MACROH2A1: variants seen among roughly 807,000 people sequenced by gnomAD.
MACROH2A1 encodes macroH2A.1 histone, also known as core histone macro-H2A.1.
Under a neutral mutation model 31.6 loss-of-function variants are expected in MACROH2A1, and 2 were observed. The observed-to-expected ratio is 0.06, with a 90% CI of 0.03 to 0.20. The LOEUF is 0.20. MACROH2A1 is among the 10% of genes least tolerant of loss of function. The pLI, the probability that MACROH2A1 is intolerant of heterozygous loss-of-function variation, is 1.00. For synonymous variants in MACROH2A1, 169 were observed against 189.6 expected, an observed-to-expected ratio of 0.89 and a Z score of 0.89; for missense variants, 230 against 474.0, an observed-to-expected ratio of 0.49 and a Z score of 4.78.
chr5:135,352,725 C>T (rs1761728731), intron 6 of MACROH2A1, among the ~76,000 whole-genome samples: 1 of 152,166 alleles, frequency 6.6e-6, no homozygotes, highest in African/African-American at 2.4e-5. Context: ...AATGTATTTG[C>T]AATTGAGGAG....
At chr5:135,395,390 G>A (rs1259528949) in intron 1 of MACROH2A1, among the ~76,000 whole-genome samples, 2 of 152,188 alleles carry the variant, frequency 1.3e-5, no homozygotes, top group Non-Finnish European at 2.9e-5. Context: ...TAGTCAAAGA[G>A]CCCTATCTCC....
intron 4 of MACROH2A1, among the ~76,000 whole-genome samples, chr5:135,367,169 C>T (rs1242453948): frequency 6.6e-6 from 1 of 152,212 alleles, no homozygotes; most frequent in Non-Finnish European, 1.5e-5. Context: ...CAGAACATTC[C>T]ACTTAAACCT....
intron 5 of MACROH2A1, 192 bp from the exon 6 acceptor site, chr5:135,353,237 CA>C: frequency 1.8e-6 from 1 of 556,730 alleles, no homozygotes; most frequent in South Asian, 2.3e-5. Flanking sequence ...CGGGAGCAAG[CA>C]AACTAGGATG....
At chr5:135,373,215 AG>A (rs1764409280) in intron 2 of MACROH2A1, among the ~76,000 whole-genome samples, 1 of 151,718 alleles carries the variant, frequency 6.6e-6, no homozygotes, top group African/African-American at 2.4e-5. Flanking sequence ...GTCGGGGAGG[AG>A]GGGAGGGATG....
chr5:135,394,939 G>A (rs1222492854), intron 1 of MACROH2A1, among the ~76,000 whole-genome samples: 1 of 152,212 alleles, frequency 6.6e-6, no homozygotes, highest in Non-Finnish European at 1.5e-5. Context: ...GGGAGCTATG[G>A]CTAGTGGGAC....
At chr5:135,371,525 C>G (rs1341271025) in intron 2 of MACROH2A1, among the ~76,000 whole-genome samples, 1 of 152,234 alleles carries the variant, frequency 6.6e-6, no homozygotes, top group Admixed American at 6.5e-5. Flanking sequence ...GGCACAGTCT[C>G]ACAAGACAAG....
chr5:135,381,611 T>C (rs1366788819), intron 2 of MACROH2A1, among the ~76,000 whole-genome samples: 2 of 151,940 alleles, frequency 1.3e-5, no homozygotes, highest in Non-Finnish European at 2.9e-5. Context: ...TGAGATCCTA[T>C]TTCAAAAAAA....
chr5:135,365,144 T>G (rs1763336874), intron 4 of MACROH2A1, among the ~76,000 whole-genome samples: 1 of 152,230 alleles, frequency 6.6e-6, no homozygotes. Context: ...AAATTAGGCA[T>G]AGTTTCCTTT....
chr5:135,363,746 C>T (rs1411180247), intron 4 of MACROH2A1, among the ~76,000 whole-genome samples: 1 of 152,184 alleles, frequency 6.6e-6, no homozygotes, highest in African/African-American at 2.4e-5. Flanking sequence ...CTTGAGGAAT[C>T]GCCACACTGT....
chr5:135,355,329 G>A (rs1762050824), intron 5 of MACROH2A1: 1 of 450,518 alleles, frequency 2.2e-6, no homozygotes, highest in African/African-American at 2.0e-5. Flanking sequence ...ACTCTTGGAA[G>A]TGCAGACTAC....
chr5:135,352,058 G>C (rs1761652980), intron 6 of MACROH2A1, among the ~76,000 whole-genome samples: 1 of 152,170 alleles, frequency 6.6e-6, no homozygotes, highest in South Asian at 2.1e-4. Context: ...TGGAATGAGT[G>C]TATCTCCCAG....
At chr5:135,384,267 T>C (rs1463646633) in intron 2 of MACROH2A1, among the ~76,000 whole-genome samples, 1 of 152,190 alleles carries the variant, frequency 6.6e-6, no homozygotes, top group Non-Finnish European at 1.5e-5. Context: ...GCCCTATGAC[T>C]ACCACCAAAG....
intron 8 of MACROH2A1, among the ~76,000 whole-genome samples, chr5:135,338,271 T>C (rs7721313): frequency 0.12 from 18,890 of 152,180 alleles, 1,793 homozygotes; most frequent in African/African-American, 0.27. Context: ...GAGCTCAGGA[T>C]TTCCCGGAGT....
chr5:135,360,684 AC>A (rs1762730513), intron 4 of MACROH2A1, 77 bp from the exon 5 acceptor site: 2 of 962,754 alleles, frequency 2.1e-6, no homozygotes, highest in Non-Finnish European at 1.7e-6. Context: ...CCCAAGCCTC[AC>A]CCATAACACC....
At chr5:135,364,659 A>G (rs1763268451) in intron 4 of MACROH2A1, among the ~76,000 whole-genome samples, 1 of 152,224 alleles carries the variant, frequency 6.6e-6, no homozygotes, top group African/African-American at 2.4e-5. Context: ...GACATTTAAG[A>G]AACTGTAGAA....
At chr5:135,337,362 C>T (rs1758918047) in intron 8 of MACROH2A1, among the ~76,000 whole-genome samples, 1 of 152,182 alleles carries the variant, frequency 6.6e-6, no homozygotes, top group African/African-American at 2.4e-5. Flanking sequence ...GTAGCCTGGC[C>T]CATGCCCATG....
chr5:135,380,743 C>G (rs573428493), intron 2 of MACROH2A1, among the ~76,000 whole-genome samples: 2 of 152,264 alleles, frequency 1.3e-5, no homozygotes, highest in African/African-American at 2.4e-5. Context: ...GCCCATTATC[C>G]TTTTGATTTC....
chr5:135,369,317 C>T lies in MACROH2A1; in HGVS notation c.477+89G>A. 9.6e-7 allele frequency: 1 copy of T among 1,046,550 alleles called. No individual in the cohort carries two copies. Among genetic ancestry groups the T allele is most frequent in the Non-Finnish European group, 1.5e-6 (1 of 672,030 alleles). 64.8% of individuals were successfully genotyped at this position (1,046,550 alleles called of 1,614,324 possible). A position where few individuals can be genotyped will look rare whatever the true frequency, so the allele number is the denominator to read the frequency against. On this transcript the variant is annotated intron_variant, in intron 4 of 8. Coordinates refer to ENST00000511689, the MANE Select transcript of MACROH2A1 (RefSeq NM_138610.3). The surrounding 1 kb of genome is among the most constrained non-coding windows in gnomAD (Gnocchi z 4.3). Reference sequence around the variant, plus strand: ...TATTCTCCCATCAGTGGGATGAGCCCACAGGGGGAATGAGGGGGGTGCCCT... The same window carrying T: ...TATTCTCCCATCAGTGGGATGAGCCTACAGGGGGAATGAGGGGGGTGCCCT...
chr5:135,364,973 A>T (rs1256535438), intron 4 of MACROH2A1, among the ~76,000 whole-genome samples: 1 of 152,090 alleles, frequency 6.6e-6, no homozygotes, highest in African/African-American at 2.4e-5. Flanking sequence ...TAGTTTTCAC[A>T]TGGGGATAGG....
Sources: allele counts gnomAD v4.1 joint callset (sites outside exome capture counted in the v4.1 genomes callset), GRCh38; gene constraint gnomAD v4.1.1; non-coding constraint Gnocchi (gnomAD v3.1); transcripts MANE v1.5; gene names NCBI Gene and HGNC (gene_info 2026-07-23, HGNC 2026-07-21).